The following CELF4 variants were observed in gnomAD, a reference collection of about 807,000 sequenced individuals.
The protein encoded by CELF4 is CUG-BP- and ETR-3-like factor 4.
In CELF4, 18 loss-of-function variants were observed where a neutral mutation model predicts 59.9. The observed-to-expected ratio is 0.30, with a 90% CI of 0.21 to 0.45. The LOEUF (loss-of-function observed/expected upper bound fraction) is 0.45. Ranked by LOEUF, CELF4 falls within the 20% of genes least tolerant of loss-of-function variation. The pLI, the probability that CELF4 is intolerant of heterozygous loss-of-function variation, is 1.00. For missense variants in CELF4, 456 were observed against 689.0 expected (o/e 0.66, Z 3.79); for synonymous variants, 261 against 267.1 (o/e 0.98, Z 0.22).
chr18:37,307,690 T>C (rs900915072), intron 3 of CELF4, among the ~76,000 whole-genome samples: 4 of 151,854 alleles, frequency 2.6e-5, no homozygotes, highest in African/African-American at 9.7e-5. Flanking sequence ...ATGGGCCTCA[T>C]GGTACAAGCA....
intron 2 of CELF4, among the ~76,000 whole-genome samples, chr18:37,349,525 T>G (rs1394282984): frequency 6.6e-6 from 1 of 152,214 alleles, no homozygotes; most frequent in East Asian, 1.9e-4. Context: ...TCTTTTTTTA[T>G]TCAGAAGGCA....
intron 3 of CELF4, among the ~76,000 whole-genome samples, chr18:37,287,418 C>T (rs760574339): frequency 2.0e-5 from 3 of 152,220 alleles, no homozygotes; most frequent in Non-Finnish European, 4.4e-5. Flanking sequence ...GCCATCCTTC[C>T]CATTGCTCAG....
At chr18:37,464,395 C>A (rs769882071) in intron 2 of CELF4, among the ~76,000 whole-genome samples, 1 of 152,194 alleles carries the variant, frequency 6.6e-6, no homozygotes. Context: ...AGACTCCCAT[C>A]GATGCCTAGC....
intron 2 of CELF4, among the ~76,000 whole-genome samples, chr18:37,350,645 T>G (rs997768438): frequency 6.6e-6 from 1 of 152,188 alleles, no homozygotes; most frequent in Non-Finnish European, 1.5e-5. Flanking sequence ...AATCTGAACT[T>G]GGCTTTACTG....
At chr18:37,321,750 G>C (rs2097129463) in intron 3 of CELF4, 53 bp downstream of exon 3, 2 of 1,314,734 alleles carry the variant, frequency 1.5e-6, no homozygotes, top group Non-Finnish European at 2.2e-6. Context: ...GTCGGGAAAA[G>C]GAGGGAGGAG....
At chr18:37,347,443 G>T (rs913038995) in intron 2 of CELF4, among the ~76,000 whole-genome samples, 13 of 152,226 alleles carry the variant, frequency 8.5e-5, no homozygotes, top group Admixed American at 3.3e-4. Flanking sequence ...CCTACACTTG[G>T]CTCTCTGTGC....
chr18:37,312,067 C>A (rs182956699), intron 3 of CELF4, among the ~76,000 whole-genome samples: 312 of 137,320 alleles, frequency 2.3e-3, no homozygotes, highest in Admixed American at 3.5e-3. Context: ...GCCCATATCA[C>A]GCCACTGCAC....
rs536925563 is a variant in CELF4 at position 37,280,016 on chromosome 18, T to A, written c.449-4773A>T. On this transcript the variant is annotated intron_variant, in intron 3 of 12. Coordinates refer to ENST00000420428, the MANE Select transcript of CELF4 (RefSeq NM_020180.4). ...CATCTGGGGTTCTGTGGAACAGGAG[T>A]GTGACTCCCCAGAGGGCTGGGCAAC... 8.5e-5 allele frequency among the ~76,000 whole-genome samples: 13 copies of A among 152,148 alleles called. No individual in the cohort carries two copies. The East Asian group carries it at 2.5e-3, about 29-fold the overall frequency.
intron 2 of CELF4, among the ~76,000 whole-genome samples, chr18:37,373,303 C>T (rs1376757781): frequency 6.6e-6 from 1 of 152,198 alleles, no homozygotes; most frequent in African/African-American, 2.4e-5. Flanking sequence ...ACAGGCGCAG[C>T]CATGTGCCCA....
At chr18:37,504,209 G>A (rs933638219) in intron 1 of CELF4, among the ~76,000 whole-genome samples, 1 of 152,252 alleles carries the variant, frequency 6.6e-6, no homozygotes, top group African/African-American at 2.4e-5. Context: ...TGGGGCTTAC[G>A]GCCGGGCACA....
chr18:37,411,665 G>T (rs2099460276), intron 2 of CELF4, among the ~76,000 whole-genome samples: 1 of 152,218 alleles, frequency 6.6e-6, no homozygotes. Context: ...CCTAATCAAA[G>T]TTCCCTGAAA....
intron 3 of CELF4, among the ~76,000 whole-genome samples, chr18:37,287,051 T>C (rs1470200547): frequency 6.6e-6 from 1 of 152,110 alleles, no homozygotes; most frequent in Non-Finnish European, 1.5e-5. Flanking sequence ...TTAGATCTCA[T>C]GGGACAGAGG....
intron 2 of CELF4, among the ~76,000 whole-genome samples, chr18:37,337,368 A>G (rs1382778895): frequency 2.0e-5 from 3 of 152,098 alleles, no homozygotes; most frequent in Non-Finnish European, 4.4e-5. Flanking sequence ...CCTGGCCTCA[A>G]TACTGCCCAC....
intron 1 of CELF4, among the ~76,000 whole-genome samples, chr18:37,496,939 A>G (rs1233932510): frequency 6.6e-6 from 1 of 152,052 alleles, no homozygotes; most frequent in Non-Finnish European, 1.5e-5. Context: ...CAGCATTCTC[A>G]TTTTTCAGAG....
In CELF4 at chr18:37,384,341, T is replaced by G. The variant is rs2099076017; in HGVS notation, c.370-62460A>C. ...TTGTGCTAATTTGCACATTAATATCTGTCTTCAGGCCGGCCTCCGCTCTAG... is the reference window on the plus strand; with the variant it reads ...TTGTGCTAATTTGCACATTAATATCGGTCTTCAGGCCGGCCTCCGCTCTAG... On this transcript the variant is annotated intron_variant, in intron 2 of 12. Transcript: ENST00000420428. Among the ~76,000 whole-genome samples the G allele has an allele frequency of 2.0e-5, 3 of 152,250 alleles. No homozygotes were observed. The South Asian group carries it at 6.2e-4, about 32-fold the overall frequency.
intron 2 of CELF4, among the ~76,000 whole-genome samples, chr18:37,346,221 C>G (rs371679623): frequency 6.6e-6 from 1 of 152,204 alleles, no homozygotes; most frequent in East Asian, 1.9e-4. Flanking sequence ...TCTAGTGCAG[C>G]TGCATTCCGG....
intron 2 of CELF4, among the ~76,000 whole-genome samples, chr18:37,326,741 C>T (rs1244461652): frequency 6.6e-6 from 1 of 152,176 alleles, no homozygotes; most frequent in African/African-American, 2.4e-5. Context: ...TGGCCCAGAT[C>T]TGGAGCTGTC....
intron 2 of CELF4, among the ~76,000 whole-genome samples, chr18:37,353,233 A>ATATATATATATATAT (rs1557327922): frequency 4.7e-5 from 5 of 106,970 alleles, no homozygotes; most frequent in Admixed American, 2.5e-4. Flanking sequence ...AAAAAAAAAA[A>ATATATATATATATAT]ATATATATAT....
intron 3 of CELF4, among the ~76,000 whole-genome samples, chr18:37,314,122 G>C (rs2096775676): frequency 6.6e-6 from 1 of 152,216 alleles, no homozygotes; most frequent in Non-Finnish European, 1.5e-5. Flanking sequence ...GGGACACAGA[G>C]ACACAAGATG....
Sources: gnomAD v4.1 joint callset for allele counts (sites outside exome capture counted in the v4.1 genomes callset) on GRCh38, gnomAD v4.1.1 for gene constraint, MANE v1.5 for transcripts, NCBI Gene and HGNC (gene_info 2026-07-23, HGNC 2026-07-21) for gene names.